Variants in KATNIP observed in about 807,000 individuals in gnomAD.
KATNIP encodes the protein katanin-interacting protein.
In KATNIP, 126 loss-of-function variants were observed where a neutral mutation model predicts 174.0. The ratio of observed to expected loss-of-function variants is 0.72; its 90% CI spans 0.63 to 0.84. The LOEUF (loss-of-function observed/expected upper bound fraction) is 0.84. Ranked by LOEUF, KATNIP falls within the 40% of genes least tolerant of loss-of-function variation. KATNIP has a pLI of 0.00. For synonymous variants in KATNIP, 810 were observed against 835.7 expected (o/e 0.97, Z 0.53); for missense variants, 1,958 against 2,109.7 (o/e 0.93, Z 1.41).
intron 8 of KATNIP, among the ~76,000 whole-genome samples, chr16:27,693,777 G>A (rs888269923): frequency 6.6e-6 from 1 of 152,346 alleles, no homozygotes; most frequent in African/African-American, 2.4e-5. Context: ...GAGCAGCTGG[G>A]ACGTGCCCTG....
At chr16:27,562,046 C>T (rs2089905892) in intron 1 of KATNIP, among the ~76,000 whole-genome samples, 1 of 152,214 alleles carries the variant, frequency 6.6e-6, no homozygotes, top group Non-Finnish European at 1.5e-5. Flanking sequence ...TGGCTCATGC[C>T]TGTAATCCCT....
chr16:27,551,447 C>G (rs372515899), intron 1 of KATNIP, among the ~76,000 whole-genome samples: 12 of 152,298 alleles, frequency 7.9e-5, no homozygotes, highest in African/African-American at 2.9e-4. Flanking sequence ...TGCTATAGAA[C>G]ATCAGTCCTC....
At chr16:27,668,593 G>GCAGTGAGCT in intron 6 of KATNIP, among the ~76,000 whole-genome samples, 1 of 152,226 alleles carries the variant, frequency 6.6e-6, no homozygotes, top group South Asian at 2.1e-4. Context: ...AGAGTCAGAT[G>GCAGTGAGCT]GTCATTCCTC....
At chr16:27,591,081 T>G (rs1190147096) in intron 2 of KATNIP, among the ~76,000 whole-genome samples, 4 of 152,238 alleles carry the variant, frequency 2.6e-5, no homozygotes. Context: ...CTGGTCACCT[T>G]CATCTGGAAA....
chr16:27,595,273 A>C (rs1301306310), intron 2 of KATNIP, among the ~76,000 whole-genome samples: 1 of 152,160 alleles, frequency 6.6e-6, no homozygotes. Context: ...TGTAATCATA[A>C]CTACTCAGGA....
At position 27,663,410 on chromosome 16, in the gene KATNIP, A is replaced by T. The variant is rs182165064; in HGVS notation, c.541-14319A>T. On this transcript the variant is annotated intron_variant, in intron 6 of 27. Coordinates refer to ENST00000261588, the MANE Select transcript of KATNIP (RefSeq NM_015202.5). ...CCATATAGTACTATGTAATACTTTCATTGTCATTTATTTATTTATTTATTT... is the reference window on the plus strand; with the variant it reads ...CCATATAGTACTATGTAATACTTTCTTTGTCATTTATTTATTTATTTATTT... Among the ~76,000 whole-genome samples, 197 of 150,882 alleles carry T rather than the reference A, an allele frequency of 1.3e-3. 3 individuals carry two copies. The highest frequency in any genetic ancestry group is 0.012 in the Admixed American group (177 of 15,156).
rs561041652 is a variant in KATNIP at position 27,622,388 on chromosome 16, G to A, written c.140+3887G>A. On this transcript the variant is annotated intron_variant, in intron 3 of 27. Coordinates refer to ENST00000261588, the MANE Select transcript of KATNIP (RefSeq NM_015202.5). Reference sequence around the variant, plus strand: ...CCTGCAGAAACCCTGCCAGCTGCCTGTCCCAGTGGACTCTGAGTGATTCTT... The same window carrying A: ...CCTGCAGAAACCCTGCCAGCTGCCTATCCCAGTGGACTCTGAGTGATTCTT... Among the ~76,000 whole-genome samples, 3 of 152,318 alleles carry A rather than the reference G, an allele frequency of 2.0e-5. No homozygotes were observed. In the South Asian group the frequency reaches 6.2e-4, roughly 32 times the overall value.
intron 1 of KATNIP, among the ~76,000 whole-genome samples, chr16:27,562,406 G>A (rs2089918357): frequency 6.6e-6 from 1 of 152,168 alleles, no homozygotes; most frequent in South Asian, 2.1e-4. Flanking sequence ...TTAGAACAGG[G>A]CCTGGTGCTT....
At chr16:27,594,179 G>C (rs77523921) in intron 2 of KATNIP, among the ~76,000 whole-genome samples, 2 of 151,938 alleles carry the variant, frequency 1.3e-5, no homozygotes, top group African/African-American at 2.4e-5. Flanking sequence ...AGGATCACTC[G>C]AGCCCAGGAA....
At chr16:27,730,690 C>T (rs2080640969) in intron 14 of KATNIP, among the ~76,000 whole-genome samples, 2 of 152,214 alleles carry the variant, frequency 1.3e-5, no homozygotes, top group South Asian at 4.1e-4. Context: ...TCCCCATACC[C>T]CTAGCCTGCC....
Position 27,748,140 on chromosome 16 carries a change from A to G in KATNIP, c.2624-1444A>G, listed in dbSNP as rs565895445. ...GAGAACAGGCCACTGCGTGGTGTGC[A>G]CGCCGTGGCTCTCATGTTCCATAAG... On this transcript the variant is annotated intron_variant, in intron 15 of 27. Coordinates refer to ENST00000261588, the MANE Select transcript of KATNIP (RefSeq NM_015202.5). 1.1e-3 allele frequency among the ~76,000 whole-genome samples: 169 copies of G among 152,330 alleles called. 2 individuals are homozygous for G. Among genetic ancestry groups the G allele is most frequent in the African/African-American group, 3.9e-3 (164 of 41,576 alleles).
intron 6 of KATNIP, among the ~76,000 whole-genome samples, chr16:27,673,066 C>T (rs2077977904): frequency 6.6e-6 from 1 of 152,148 alleles, no homozygotes; most frequent in Non-Finnish European, 1.5e-5. Flanking sequence ...CCATTGTTTT[C>T]TCACCCAGCC....
At chr16:27,597,472 T>C (rs1207696794) in intron 2 of KATNIP, among the ~76,000 whole-genome samples, 1 of 149,836 alleles carries the variant, frequency 6.7e-6, no homozygotes, top group Non-Finnish European at 1.5e-5. Context: ...TTTTGCAACA[T>C]GCTTTTGTAA....
At chr16:27,578,134 C>T (rs1436879844) in intron 2 of KATNIP, among the ~76,000 whole-genome samples, 1 of 152,082 alleles carries the variant, frequency 6.6e-6, no homozygotes, top group African/African-American at 2.4e-5. Flanking sequence ...TGCAGCCATG[C>T]ATGAGAACCA....
chr16:27,693,791 T>C (rs1249808760), intron 8 of KATNIP, among the ~76,000 whole-genome samples: 1 of 152,218 alleles, frequency 6.6e-6, no homozygotes, highest in Non-Finnish European at 1.5e-5. Flanking sequence ...TGCCCTGGCC[T>C]GTACTAGAAC....
chr16:27,638,580 C>T (rs150516866), intron 5 of KATNIP, among the ~76,000 whole-genome samples: 2 of 152,304 alleles, frequency 1.3e-5, no homozygotes, highest in African/African-American at 4.8e-5. Context: ...TTCTCAAAAG[C>T]TGCTCCACCA....
At chr16:27,655,176 G>GGATA (rs1220832255) in intron 6 of KATNIP, among the ~76,000 whole-genome samples, 35 of 50,150 alleles carry the variant, frequency 7.0e-4, no homozygotes, top group Admixed American at 1.5e-3. Flanking sequence ...CCCCTAGAAT[G>GGATA]GATATATATA....
At chr16:27,699,675 T>G in intron 10 of KATNIP, 76 bp downstream of exon 10, 1 of 1,600,610 alleles carries the variant, frequency 6.2e-7, no homozygotes, top group Non-Finnish European at 8.5e-7. Context: ...CAGAGATGAA[T>G]GACAAAGCCC....
intron 8 of KATNIP, among the ~76,000 whole-genome samples, chr16:27,690,755 A>G (rs1051457355): frequency 2.6e-5 from 4 of 152,190 alleles, no homozygotes; most frequent in African/African-American, 7.2e-5. Flanking sequence ...TACAGTTTCA[A>G]GGCCTACCAG....
Sources: gnomAD v4.1 joint callset for allele counts (sites outside exome capture counted in the v4.1 genomes callset) on GRCh38, gnomAD v4.1.1 for gene constraint, MANE v1.5 for transcripts, NCBI Gene and HGNC (gene_info 2026-07-23, HGNC 2026-07-21) for gene names.